ZNF782: variants seen among roughly 807,000 people sequenced by gnomAD.
The protein encoded by ZNF782 is zinc finger protein 782.
In ZNF782, 12 loss-of-function variants were observed where a neutral mutation model predicts 13.0. That is an observed-to-expected ratio of 0.92 (90% confidence interval 0.59 to 1.50). The LOEUF is 1.50. Among genes scored for constraint, ZNF782 ranks in the 40% most tolerant of loss-of-function variants. The probability of loss-of-function intolerance (pLI) is 0.00; values close to 1 mark genes in which losing one functional copy is unlikely to be tolerated. For synonymous variants in ZNF782, 284 were observed against 283.0 expected, an observed-to-expected ratio of 1.00 and a Z score of -0.04; for missense variants, 770 against 822.9, an observed-to-expected ratio of 0.94 and a Z score of 0.79.
intron 1 of ZNF782, among the ~76,000 whole-genome samples, chr9:96,853,871 C>A (rs1851578526): frequency 6.6e-6 from 1 of 152,224 alleles, no homozygotes; most frequent in African/African-American, 2.4e-5. Context: ...AGGCACCCAA[C>A]GAATGGAACA....
chr9:96,820,410 G>C (rs1440205003), intron 5 of ZNF782, among the ~76,000 whole-genome samples: 1 of 152,064 alleles, frequency 6.6e-6, no homozygotes, highest in South Asian at 2.1e-4. Flanking sequence ...TATCATCAAA[G>C]GAACACACAT....
intron 5 of ZNF782, among the ~76,000 whole-genome samples, chr9:96,825,780 CAA>C (rs1317535842): frequency 6.6e-6 from 1 of 152,122 alleles, no homozygotes; most frequent in Admixed American, 6.5e-5. Flanking sequence ...TTTATGCAGC[CAA>C]AAGACACATG....
chr9:96,823,179 A>G (rs12554345), intron 5 of ZNF782, among the ~76,000 whole-genome samples: 5,451 of 152,242 alleles, frequency 0.036, 158 homozygotes, highest in Non-Finnish European at 0.058. Context: ...ACTCAATTCT[A>G]CCTCGTAGCA....
At chr9:96,832,901 A>AT (rs530940541) in intron 4 of ZNF782, among the ~76,000 whole-genome samples, 15 of 149,358 alleles carry the variant, frequency 1.0e-4, no homozygotes, top group East Asian at 1.9e-4. Flanking sequence ...ATTTCTTTGA[A>AT]TTTTTTTTTT....
the ZNF782 span, among the ~76,000 whole-genome samples, chr9:96,903,509 C>T: frequency 6.8e-6 from 1 of 146,364 alleles, no homozygotes; most frequent in Non-Finnish European, 1.5e-5. Context: ...CACCGCTATA[C>T]AAGTTTTCAT....
At chr9:96,902,197 G>A in the ZNF782 span, among the ~76,000 whole-genome samples, 1 of 151,936 alleles carries the variant, frequency 6.6e-6, no homozygotes, top group African/African-American at 2.4e-5. Flanking sequence ...ACTTTGGGAG[G>A]CCGAGGCAGG....
rs774390516 is a variant in ZNF782 at position 96,817,646 on chromosome 9, T to G, written c.*277A>C. The G allele has an allele frequency of 3.3e-6, 1 of 301,810 alleles. No homozygotes were observed. The highest frequency in any genetic ancestry group is 4.8e-5 in the Admixed American group (1 of 20,982). 18.7% of individuals were successfully genotyped at this position (301,810 alleles called of 1,614,324 possible). A position where few individuals can be genotyped will look rare whatever the true frequency, so the allele number is the denominator to read the frequency against. Reference sequence around the variant, plus strand: ...CAGCGTGAGTTTTCTGAGGAGTGAGTTCGCAAGAGTATTTTCCATATTCAT... The same window carrying G: ...CAGCGTGAGTTTTCTGAGGAGTGAGGTCGCAAGAGTATTTTCCATATTCAT... On this transcript the variant is annotated 3_prime_UTR_variant, in exon 6 of 6. Coordinates refer to ENST00000481138, the MANE Select transcript of ZNF782 (RefSeq NM_001001662.3).
At chr9:96,917,935 G>A in the ZNF782 span, among the ~76,000 whole-genome samples, 1 of 131,786 alleles carries the variant, frequency 7.6e-6, no homozygotes, top group Non-Finnish European at 1.5e-5. Flanking sequence ...TGTGTAGATG[G>A]GGGTCTGTGT....
chr9:96,931,818 C>G, the ZNF782 span: 1 of 1,612,210 alleles, frequency 6.2e-7, no homozygotes. Flanking sequence ...CCCGGCCCAA[C>G]ACACAGGCCG....
chr9:96,875,461 C>G, intron 1 of ZNF782: 1 of 456,682 alleles, frequency 2.2e-6, no homozygotes, highest in Non-Finnish European at 4.4e-6. Flanking sequence ...CCTCGCCCCC[C>G]GCTTACAGGT....
intron 1 of ZNF782, among the ~76,000 whole-genome samples, chr9:96,871,645 G>A (rs1314850690): frequency 6.6e-6 from 1 of 152,150 alleles, no homozygotes; most frequent in Admixed American, 6.5e-5. Context: ...GCTGCAGTGC[G>A]CTGTGATTGT....
the ZNF782 span, among the ~76,000 whole-genome samples, chr9:96,907,547 A>G: frequency 6.6e-6 from 1 of 152,278 alleles, no homozygotes; most frequent in Non-Finnish European, 1.5e-5. Flanking sequence ...GTGAGGATCT[A>G]TGTGTGGGTC....
At chr9:96,920,278 T>C in the ZNF782 span, among the ~76,000 whole-genome samples, 390 of 148,632 alleles carry the variant, frequency 2.6e-3, 3 homozygotes, top group African/African-American at 9.1e-3. Flanking sequence ...CTTTTTTTTT[T>C]TTTTTTGAGA....
the ZNF782 span, among the ~76,000 whole-genome samples, chr9:96,907,017 A>G: frequency 6.6e-6 from 1 of 151,942 alleles, no homozygotes; most frequent in Non-Finnish European, 1.5e-5. Flanking sequence ...ACAGTACAAC[A>G]ATACCCAAAA....
chr9:96,900,496 T>C, the ZNF782 span, among the ~76,000 whole-genome samples: 1 of 152,146 alleles, frequency 6.6e-6, no homozygotes, highest in Non-Finnish European at 1.5e-5. Flanking sequence ...TCCCAGCACC[T>C]TGGAAGGCCG....
At position 96,819,787 on chromosome 9, in the gene ZNF782, G is replaced by C; in HGVS notation, c.245-9C>G. The C allele has an allele frequency of 3.2e-6, 5 of 1,544,976 alleles. No homozygotes were observed. Among genetic ancestry groups the C allele is most frequent in the Non-Finnish European group, 8.7e-7 (1 of 1,153,328 alleles). Reference sequence around the variant, plus strand: ...ATCAGGTTGGGAGTCTTCTAAAAATGATAAAATTAAACAAACTTTATGATA... The same window carrying C: ...ATCAGGTTGGGAGTCTTCTAAAAATCATAAAATTAAACAAACTTTATGATA... On this transcript the variant is annotated splice_polypyrimidine_tract_variant and intron_variant, in intron 5 of 5. Coordinates refer to ENST00000481138, the MANE Select transcript of ZNF782 (RefSeq NM_001001662.3).
At chr9:96,887,336 A>AAGGAAGGAC in the ZNF782 span, 2 of 146,098 alleles carry the variant, frequency 1.4e-5, no homozygotes, top group African/African-American at 5.0e-5. Context: ...GAAGGAAGGA[A>AAGGAAGGAC]GGAAGAAAGA....
intron 4 of ZNF782, among the ~76,000 whole-genome samples, chr9:96,832,858 T>C (rs1850851684): frequency 6.6e-6 from 1 of 152,174 alleles, no homozygotes; most frequent in Non-Finnish European, 1.5e-5. Context: ...TAGGATTATG[T>C]CCTTTGCCAC....
chr9:96,870,817 T>C lies in ZNF782; in HGVS notation c.-457+4651A>G, dbSNP rs371675949. 2.0e-5 allele frequency among the ~76,000 whole-genome samples: 3 copies of C among 152,332 alleles called. No individual in the cohort carries two copies. The East Asian group carries it at 5.8e-4, about 29-fold the overall frequency. Reference sequence around the variant, plus strand: ...AAAGCCACTAGGAGCAGATGCAGCATTGTCAGGTACTGAAGGGGCTCTTCC... The same window carrying C: ...AAAGCCACTAGGAGCAGATGCAGCACTGTCAGGTACTGAAGGGGCTCTTCC... On this transcript the variant is annotated intron_variant, in intron 1 of 5. Coordinates refer to the ZNF782 transcript ENST00000498811.
Sources: gnomAD v4.1 joint callset for allele counts (sites outside exome capture counted in the v4.1 genomes callset) on GRCh38, gnomAD v4.1.1 for gene constraint, MANE v1.5 for transcripts, NCBI Gene and HGNC (gene_info 2026-07-23, HGNC 2026-07-21) for gene names.